The following C9orf85 variants were observed in gnomAD, a reference collection of about 807,000 sequenced individuals.
C9orf85 encodes uncharacterized protein C9orf85.
C9orf85 carries 16 observed loss-of-function variants against 14.9 expected under a neutral mutation model. The ratio of observed to expected loss-of-function variants is 1.08; its 90% CI spans 0.73 to 1.63. C9orf85 has a LOEUF of 1.63. Ranked by LOEUF, C9orf85 falls within the 40% of genes most tolerant of loss-of-function variation. C9orf85 has a pLI of 0.00. For missense variants in C9orf85, 172 were observed against 186.1 expected (o/e 0.92, Z 0.44); for synonymous variants, 45 against 56.8 (o/e 0.79, Z 0.93).
intron 1 of C9orf85, among the ~76,000 whole-genome samples, chr9:71,945,969 A>G (rs1822076874): frequency 6.6e-6 from 1 of 152,240 alleles, no homozygotes; most frequent in African/African-American, 2.4e-5. Context: ...TTACAAAAAT[A>G]TAAAACTATT....
At chr9:71,935,506 C>T (rs1350232407) in intron 1 of C9orf85, among the ~76,000 whole-genome samples, 1 of 151,592 alleles carries the variant, frequency 6.6e-6, no homozygotes, top group Non-Finnish European at 1.5e-5. Context: ...AAGCCAGTCA[C>T]AAAAAGCCAG....
intron 2 of C9orf85, among the ~76,000 whole-genome samples, chr9:71,947,468 G>C (rs1399944217): frequency 6.6e-6 from 1 of 152,004 alleles, no homozygotes; most frequent in East Asian, 1.9e-4. Context: ...TCTTAAAACG[G>C]ATCAGACCTT....
intron 1 of C9orf85, among the ~76,000 whole-genome samples, chr9:71,938,337 G>A (rs996383141): frequency 2.0e-5 from 3 of 151,942 alleles, no homozygotes; most frequent in East Asian, 1.9e-4. Context: ...AAGTTTTTAC[G>A]GACGGTAGTA....
intron 2 of C9orf85, among the ~76,000 whole-genome samples, chr9:71,964,645 G>A (rs1326091190): frequency 6.6e-6 from 1 of 152,072 alleles, no homozygotes; most frequent in African/African-American, 2.4e-5. Flanking sequence ...CTCCAGACAC[G>A]CCGCCTTTAA....
Position 71,971,704 on chromosome 9 carries a change from T to C in C9orf85, c.323+86T>C, listed in dbSNP as rs1822872325. ...AAGAGATGATCCTTGCTAGGCGCAG[T>C]GGCTCACGCCTGTAATCCCAGTACT... On this transcript the variant is annotated intron_variant, in intron 3 of 3. Transcript: ENST00000334731. 3 of 912,786 alleles carry C rather than the reference T, an allele frequency of 3.3e-6. No homozygotes were observed. The Admixed American group carries it at 6.0e-5, about 18-fold the overall frequency. The allele number at this position is 912,786 out of a possible 1,614,324, so 56.5% of individuals were successfully genotyped here. A position where few individuals can be genotyped will look rare whatever the true frequency, so the allele number is the denominator to read the frequency against.
intron 3 of C9orf85, among the ~76,000 whole-genome samples, chr9:71,982,198 T>C (rs541156414): frequency 5.3e-5 from 8 of 152,262 alleles, no homozygotes; most frequent in Admixed American, 1.3e-4. Context: ...ATTTTTGAGG[T>C]AGAGCCATGT....
intron 2 of C9orf85, among the ~76,000 whole-genome samples, chr9:71,948,989 A>C (rs140463057): frequency 6.6e-6 from 1 of 152,228 alleles, no homozygotes; most frequent in Non-Finnish European, 1.5e-5. Flanking sequence ...CCAATTTTAG[A>C]TTTCCATGAA....
At chr9:71,959,971 G>A (rs1336637710) in intron 2 of C9orf85, among the ~76,000 whole-genome samples, 1 of 152,196 alleles carries the variant, frequency 6.6e-6, no homozygotes, top group African/African-American at 2.4e-5. Flanking sequence ...GTCAAAAGAA[G>A]ATAGCAAATG....
At chr9:71,913,366 C>G (rs1177109919) in intron 1 of C9orf85, among the ~76,000 whole-genome samples, 1 of 152,174 alleles carries the variant, frequency 6.6e-6, no homozygotes, top group East Asian at 1.9e-4. Flanking sequence ...ACTCTCCCTT[C>G]ACGGAGTTTA....
At chr9:71,973,491 A>C (rs190892626), downstream of C9orf85, 2 of 152,356 alleles carry the variant, frequency 1.3e-5, no homozygotes, top group East Asian at 3.9e-4. Flanking sequence ...TTACAAAGTA[A>C]AAGCAATTTT....
chr9:71,962,035 G>A (rs760115291), intron 2 of C9orf85, among the ~76,000 whole-genome samples: 12 of 152,124 alleles, frequency 7.9e-5, no homozygotes, highest in South Asian at 2.1e-4. Context: ...GCGTGGTGAC[G>A]TGCTCCTGTA....
At chr9:71,953,225 A>C (rs1044781281) in intron 2 of C9orf85, among the ~76,000 whole-genome samples, 2 of 152,126 alleles carry the variant, frequency 1.3e-5, no homozygotes, top group Non-Finnish European at 2.9e-5. Context: ...ATAGATAGAT[A>C]CTCACAAAGC....
chr9:71,970,055 C>T (rs1822817401), intron 2 of C9orf85, among the ~76,000 whole-genome samples: 1 of 152,094 alleles, frequency 6.6e-6, no homozygotes, highest in Admixed American at 6.6e-5. Context: ...AGCAATTCTC[C>T]TGCCTCAGCC....
downstream of C9orf85, chr9:71,984,167 T>C (rs1203670583): frequency 1.3e-5 from 2 of 152,250 alleles, no homozygotes; most frequent in South Asian, 2.1e-4. Context: ...TGTTTGGGGT[T>C]TCTTCCCCCT....
At chr9:71,959,447 T>G (rs1822459201) in intron 2 of C9orf85, among the ~76,000 whole-genome samples, 1 of 152,150 alleles carries the variant, frequency 6.6e-6, no homozygotes, top group African/African-American at 2.4e-5. Context: ...AAAGTTAACA[T>G]TTTCAAACCT....
Position 71,973,252 on chromosome 9 carries a change from A to C in C9orf85, c.*410A>C, listed in dbSNP as rs1822936178. On this transcript the variant is annotated 3_prime_UTR_variant, in exon 4 of 4. Coordinates refer to ENST00000334731, the MANE Select transcript of C9orf85 (RefSeq NM_182505.5). ...AAATCCTAATGAGGAAATCAGAAAA[A>C]GCTATGGAAAAATAGACAAATTTCA... is the stretch of plus-strand genomic sequence containing the variant. 6.6e-6 allele frequency: 1 copy of C among 152,348 alleles called. No individual in the cohort carries two copies. The highest frequency in any genetic ancestry group is 1.5e-5 in the Non-Finnish European group (1 of 68,124). 9.4% of individuals were successfully genotyped at this position (152,348 alleles called of 1,614,324 possible). A position where few individuals can be genotyped will look rare whatever the true frequency, so the allele number is the denominator to read the frequency against.
chr9:71,962,078 A>T (rs1822535852), intron 2 of C9orf85, among the ~76,000 whole-genome samples: 1 of 152,112 alleles, frequency 6.6e-6, no homozygotes. Context: ...AGGTGCAAGG[A>T]TTGTTTAAGC....
downstream of C9orf85, among the ~76,000 whole-genome samples, chr9:71,976,216 G>A (rs1400440695): frequency 6.6e-6 from 1 of 152,170 alleles, no homozygotes; most frequent in Non-Finnish European, 1.5e-5. Flanking sequence ...TTGTTTTAAT[G>A]AAATGAATCA....
At chr9:71,935,314 G>A (rs1828163502) in intron 1 of C9orf85, among the ~76,000 whole-genome samples, 1 of 152,102 alleles carries the variant, frequency 6.6e-6, no homozygotes, top group South Asian at 2.1e-4. Flanking sequence ...GTACATCCAT[G>A]TTCATAGCAG....
Sources: gnomAD v4.1 joint callset for allele counts (sites outside exome capture counted in the v4.1 genomes callset) on GRCh38, gnomAD v4.1.1 for gene constraint, MANE v1.5 for transcripts, NCBI Gene and HGNC (gene_info 2026-07-23, HGNC 2026-07-21) for gene names.